XPR1: variants seen among roughly 807,000 people sequenced by gnomAD.
XPR1 encodes the protein xenotropic and polytropic retrovirus receptor 1, also known as solute carrier family 53 member 1.
A neutral mutation model predicts 87.5 loss-of-function variants in XPR1; 28 were observed. The observed-to-expected ratio is 0.32, with a 90% confidence interval of 0.24 to 0.44. XPR1 has a LOEUF of 0.44. Among genes scored for constraint, XPR1 ranks in the 20% least tolerant of loss-of-function variants. The pLI, the probability that XPR1 is intolerant of heterozygous loss-of-function variation, is 1.00. For missense variants in XPR1, 559 were observed against 862.3 expected, an observed-to-expected ratio of 0.65 and a Z score of 4.41; for synonymous variants, 300 against 306.1, an observed-to-expected ratio of 0.98 and a Z score of 0.21.
At chr1:180,756,704 T>G (rs1035209689) in intron 2 of XPR1, among the ~76,000 whole-genome samples, 8 of 152,226 alleles carry the variant, frequency 5.3e-5, no homozygotes, top group Non-Finnish European at 1.0e-4. Context: ...TGTCTTATCT[T>G]CAGTCATGAA....
intron 7 of XPR1, among the ~76,000 whole-genome samples, chr1:180,818,096 T>C (rs576487365): frequency 6.6e-6 from 1 of 152,286 alleles, no homozygotes; most frequent in African/African-American, 2.4e-5. Context: ...TGTTTCTCTA[T>C]GCATCAAGAA....
At chr1:180,862,503 A>G (rs1428952793) in intron 11 of XPR1, among the ~76,000 whole-genome samples, 2 of 152,058 alleles carry the variant, frequency 1.3e-5, no homozygotes, top group African/African-American at 4.8e-5. Context: ...TTCTAGAACT[A>G]ACTCAAATGC....
intron 7 of XPR1, among the ~76,000 whole-genome samples, chr1:180,814,357 C>T (rs996862425): frequency 6.6e-6 from 1 of 152,100 alleles, no homozygotes; most frequent in African/African-American, 2.4e-5. Flanking sequence ...TAGGTGAATA[C>T]AGTTTACTTA....
intron 2 of XPR1, among the ~76,000 whole-genome samples, chr1:180,761,313 T>G (rs2102052569): frequency 6.6e-6 from 1 of 152,162 alleles, no homozygotes; most frequent in East Asian, 1.9e-4. Context: ...CAAAAGAAAC[T>G]ACCATCAGAG....
Position 180,745,593 on chromosome 1 carries a change from A to AG in XPR1, c.122-42153dup, listed in dbSNP as rs35141455. 3.9e-5 allele frequency among the ~76,000 whole-genome samples: 6 copies of AG among 152,256 alleles called. No individual in the cohort carries two copies. In the South Asian group the frequency reaches 1.0e-3, roughly 26 times the overall value. ...GCAAGAGAATGGATAAAAGAAGAAAAGGGGGGGATGTTTCCTCAGTGAATG... is the reference window on the plus strand; with the variant it reads ...GCAAGAGAATGGATAAAAGAAGAAAAGGGGGGGGATGTTTCCTCAGTGAATG... On this transcript the variant is annotated intron_variant, in intron 2 of 14. Coordinates refer to ENST00000367590, the MANE Select transcript of XPR1 (RefSeq NM_004736.4).
intron 11 of XPR1, among the ~76,000 whole-genome samples, chr1:180,858,927 A>C (rs1652128080): frequency 6.6e-6 from 1 of 152,012 alleles, no homozygotes; most frequent in African/African-American, 2.4e-5. Context: ...CAAAGGTTTG[A>C]TTTTTCTTTT....
intron 2 of XPR1, among the ~76,000 whole-genome samples, chr1:180,763,259 T>G (rs1279304564): frequency 6.6e-6 from 1 of 152,222 alleles, no homozygotes; most frequent in Non-Finnish European, 1.5e-5. Context: ...GAGTTTAGCA[T>G]GAAGGATGCT....
At chr1:180,794,585 G>C (rs137949288) in intron 3 of XPR1, among the ~76,000 whole-genome samples, 182 of 152,312 alleles carry the variant, frequency 1.2e-3, no homozygotes, top group African/African-American at 4.1e-3. Context: ...ACATGAAGAA[G>C]CCTTGAATTT....
intron 2 of XPR1, among the ~76,000 whole-genome samples, chr1:180,723,842 G>C (rs1658250905): frequency 6.6e-6 from 1 of 152,124 alleles, no homozygotes; most frequent in Non-Finnish European, 1.5e-5. Flanking sequence ...TGCCTCTTGA[G>C]ATATTTGGCC....
chr1:180,837,694 A>G (rs767334636), intron 11 of XPR1, among the ~76,000 whole-genome samples: 5 of 152,146 alleles, frequency 3.3e-5, no homozygotes, highest in Non-Finnish European at 7.4e-5. Context: ...TTTTACCACC[A>G]TGTAGGCATT....
At position 180,707,017 on chromosome 1, in the gene XPR1, A is replaced by G. The variant is rs555977926; in HGVS notation, c.121+24606A>G. ...GTTTTTCTAGCTAATTTTTCAGTCA[A>G]TATCAGTTGTAGAAATATGTATTTT... On this transcript the variant is annotated intron_variant, in intron 2 of 14. Transcript: ENST00000367590. 4.6e-5 allele frequency among the ~76,000 whole-genome samples: 7 copies of G among 152,300 alleles called. No homozygotes were observed. In the East Asian group the frequency reaches 1.2e-3, roughly 25 times the overall value.
intron 2 of XPR1, among the ~76,000 whole-genome samples, chr1:180,769,738 AT>A (rs1184588695): frequency 6.6e-6 from 1 of 152,228 alleles, no homozygotes; most frequent in African/African-American, 2.4e-5. Context: ...TGCAACAAAC[AT>A]GGGAGTGCAG....
chr1:180,652,386 T>G (rs1655326778), intron 1 of XPR1, among the ~76,000 whole-genome samples: 1 of 152,192 alleles, frequency 6.6e-6, no homozygotes, highest in Non-Finnish European at 1.5e-5. Context: ...TATATAGATT[T>G]AATTTTTAGA....
intron 2 of XPR1, among the ~76,000 whole-genome samples, chr1:180,685,414 C>T (rs190075147): frequency 7.2e-5 from 11 of 152,216 alleles, no homozygotes; most frequent in Admixed American, 3.9e-4. Context: ...ATTTTTGCAT[C>T]GATGTTCATG....
At chr1:180,688,049 A>ATT (rs61214643) in intron 2 of XPR1, among the ~76,000 whole-genome samples, 11,956 of 130,500 alleles carry the variant, frequency 0.092, 766 homozygotes, top group African/African-American at 0.15. Context: ...TATGTTATTA[A>ATT]TTTTTTTTTT....
chr1:180,683,318 G>T (rs1478716557), intron 2 of XPR1, among the ~76,000 whole-genome samples: 2 of 152,078 alleles, frequency 1.3e-5, no homozygotes, highest in African/African-American at 4.8e-5. Context: ...TGGCTGCATA[G>T]TATTCCATGG....
intron 11 of XPR1, among the ~76,000 whole-genome samples, chr1:180,860,983 C>A (rs1248946195): frequency 6.6e-6 from 1 of 152,036 alleles, no homozygotes. Context: ...ATTTTTACTC[C>A]TCTTCACAAT....
At chr1:180,663,138 T>C (rs4451517) in intron 1 of XPR1, among the ~76,000 whole-genome samples, 4,270 of 152,336 alleles carry the variant, frequency 0.028, 77 homozygotes, top group Non-Finnish European at 0.045. Flanking sequence ...TGGTGCCTTA[T>C]TTAGTTCCTT....
chr1:180,677,340 C>T (rs1656400705), intron 1 of XPR1, among the ~76,000 whole-genome samples: 3 of 152,130 alleles, frequency 2.0e-5, no homozygotes, highest in South Asian at 2.1e-4. Context: ...AAATCAGTCT[C>T]CCTGAAAATT....
Sources: gnomAD v4.1 joint callset for allele counts (sites outside exome capture counted in the v4.1 genomes callset) on GRCh38, gnomAD v4.1.1 for gene constraint, MANE v1.5 for transcripts, NCBI Gene and HGNC (gene_info 2026-07-23, HGNC 2026-07-21) for gene names.